The following CSMD3 variants were observed in gnomAD, a reference collection of about 807,000 sequenced individuals.
The protein encoded by CSMD3 is CUB and sushi domain-containing protein 3.
A neutral mutation model predicts 435.2 loss-of-function variants in CSMD3; 177 were observed. The ratio of observed to expected loss-of-function variants is 0.41; its 90% confidence interval spans 0.36 to 0.46. The LOEUF (loss-of-function observed/expected upper bound fraction) is 0.46. Ranked by LOEUF, CSMD3 falls within the 20% of genes least tolerant of loss-of-function variation. The pLI is 0.34. For missense variants in CSMD3, 4,265 were observed against 4,504.6 expected (o/e 0.95, Z 1.52); for synonymous variants, 1,656 against 1,520.5 (o/e 1.09, Z -2.07).
At chr8:113,084,568 C>A (rs2089684610) in intron 5 of CSMD3, among the ~76,000 whole-genome samples, 2 of 139,540 alleles carry the variant, frequency 1.4e-5, no homozygotes, top group African/African-American at 2.7e-5. Flanking sequence ...ATCAAAATAC[C>A]AATGACATTC....
At chr8:113,224,190 A>C (rs2093000895) in intron 3 of CSMD3, among the ~76,000 whole-genome samples, 1 of 151,196 alleles carries the variant, frequency 6.6e-6, no homozygotes, top group African/African-American at 2.4e-5. Context: ...ATATTGTTTT[A>C]GGTTCTGCTT....
chr8:112,660,952 C>T (rs2075365502), intron 17 of CSMD3, among the ~76,000 whole-genome samples: 1 of 152,000 alleles, frequency 6.6e-6, no homozygotes, highest in Non-Finnish European at 1.5e-5. Context: ...TTGACAAGTC[C>T]AGCTTGGTGA....
At chr8:112,225,697 G>C (rs1473624574) in intron 70 of CSMD3, among the ~76,000 whole-genome samples, 3 of 151,994 alleles carry the variant, frequency 2.0e-5, no homozygotes, top group African/African-American at 7.2e-5. Context: ...TTTTTTAAAT[G>C]GTATACATTA....
chr8:112,880,888 T>C (rs1055902608), intron 10 of CSMD3, among the ~76,000 whole-genome samples: 1 of 152,072 alleles, frequency 6.6e-6, no homozygotes, highest in African/African-American at 2.4e-5. Context: ...TCCAGTCTTA[T>C]AACTTTTCTC....
At chr8:112,355,855 A>T (rs1021465581) in intron 38 of CSMD3, among the ~76,000 whole-genome samples, 3 of 152,068 alleles carry the variant, frequency 2.0e-5, no homozygotes. Context: ...GATAAAAAAT[A>T]AAAAAATAAA....
At chr8:112,333,669 T>TACACAC (rs147365873) in intron 45 of CSMD3, among the ~76,000 whole-genome samples, 1,531 of 147,930 alleles carry the variant, frequency 0.01, 11 homozygotes, top group South Asian at 0.018. Flanking sequence ...TTCTGTCTCA[T>TACACAC]ACACACACAC....
At chr8:113,046,635 T>C (rs2087847256) in intron 5 of CSMD3, among the ~76,000 whole-genome samples, 1 of 152,210 alleles carries the variant, frequency 6.6e-6, no homozygotes, top group South Asian at 2.1e-4. Context: ...GATTGGCTTA[T>C]GCACTGCTGA....
intron 59 of CSMD3, among the ~76,000 whole-genome samples, chr8:112,268,938 C>G (rs1353833769): frequency 6.6e-6 from 1 of 152,154 alleles, no homozygotes; most frequent in East Asian, 1.9e-4. Context: ...TTCAGTCAAA[C>G]AATTCTTCGT....
chr8:113,316,776 C>T (rs1215886810), intron 1 of CSMD3, among the ~76,000 whole-genome samples: 1 of 147,292 alleles, frequency 6.8e-6, no homozygotes, highest in Non-Finnish European at 1.5e-5. Context: ...TTTCGAACTA[C>T]TGACCTAAAG....
At position 112,249,465 on chromosome 8, in the gene CSMD3, G is replaced by A. The variant is rs542070941; in HGVS notation, c.10111-2334C>T. Among the ~76,000 whole-genome samples the A allele has an allele frequency of 1.8e-3, 274 of 150,770 alleles. 1 individual carries two copies. The highest frequency in any genetic ancestry group is 6.3e-3 in the African/African-American group (257 of 41,062). On this transcript the variant is annotated intron_variant, in intron 63 of 70. Coordinates refer to ENST00000297405, the MANE Select transcript of CSMD3 (RefSeq NM_198123.2). ...GTTCCCAGGTGAAACTGCTGCTGCC[G>A]GTTAGGCGCTACACTTTGAGAACTA...
chr8:113,215,933 A>T (rs752419839), intron 3 of CSMD3, among the ~76,000 whole-genome samples: 3 of 151,862 alleles, frequency 2.0e-5, no homozygotes, highest in Non-Finnish European at 4.4e-5. Flanking sequence ...TTTGGTAGGA[A>T]AAAGATATAT....
intron 32 of CSMD3, among the ~76,000 whole-genome samples, chr8:112,418,974 G>C (rs1346002849): frequency 6.6e-6 from 1 of 152,070 alleles, no homozygotes; most frequent in Non-Finnish European, 1.5e-5. Flanking sequence ...GTTCAGATGT[G>C]TGTCCCATTC....
chr8:113,382,669 C>A (rs2094421720), intron 1 of CSMD3, among the ~76,000 whole-genome samples: 1 of 152,088 alleles, frequency 6.6e-6, no homozygotes, highest in Non-Finnish European at 1.5e-5. Context: ...GGTTACTAGT[C>A]ACTTCCGCAC....
intron 6 of CSMD3, among the ~76,000 whole-genome samples, chr8:113,017,056 C>T (rs953097087): frequency 2.0e-5 from 3 of 151,794 alleles, no homozygotes; most frequent in African/African-American, 7.3e-5. Context: ...ATTATAAAAT[C>T]AAAGCTTCAA....
intron 13 of CSMD3, among the ~76,000 whole-genome samples, chr8:112,767,465 A>G (rs1171543626): frequency 3.3e-5 from 5 of 151,828 alleles, no homozygotes; most frequent in Non-Finnish European, 7.4e-5. Context: ...GCCTGGAACC[A>G]AACCTTGGCT....
chr8:112,255,531 T>C lies in CSMD3; in HGVS notation c.9863-104A>G. 3.0e-6 allele frequency: 3 copies of C among 1,002,438 alleles called. No individual in the cohort carries two copies. The Admixed American group carries it at 5.9e-5, about 20-fold the overall frequency. 62.1% of individuals were successfully genotyped at this position (1,002,438 alleles called of 1,614,324 possible). Reference sequence around the variant, plus strand: ...CAATTTGAATATTGTACTAAAGAGATATATTATTCATGATAAAGCTATCCC... The same window carrying C: ...CAATTTGAATATTGTACTAAAGAGACATATTATTCATGATAAAGCTATCCC... On this transcript the variant is annotated intron_variant, in intron 61 of 70. Transcript: ENST00000297405.
chr8:112,406,176 TA>T (rs1005122694), intron 35 of CSMD3, among the ~76,000 whole-genome samples: 1 of 151,948 alleles, frequency 6.6e-6, no homozygotes, highest in South Asian at 2.1e-4. Flanking sequence ...CCACAACAAT[TA>T]AAAAAATAAA....
At chr8:112,479,708 A>G (rs1819444648) in intron 31 of CSMD3, among the ~76,000 whole-genome samples, 1 of 152,200 alleles carries the variant, frequency 6.6e-6, no homozygotes, top group Non-Finnish European at 1.5e-5. Context: ...AGGTCTGCAG[A>G]TGCTCATAAT....
intron 1 of CSMD3, among the ~76,000 whole-genome samples, chr8:113,358,977 T>C (rs1051681054): frequency 1.3e-5 from 2 of 151,932 alleles, no homozygotes; most frequent in Non-Finnish European, 2.9e-5. Flanking sequence ...AAAATATATA[T>C]AGTAAAGTTG....
Sources: gnomAD v4.1 joint callset for allele counts (sites outside exome capture counted in the v4.1 genomes callset) on GRCh38, gnomAD v4.1.1 for gene constraint, MANE v1.5 for transcripts, NCBI Gene and HGNC (gene_info 2026-07-23, HGNC 2026-07-21) for gene names.